DGKG: variants seen among roughly 807,000 people sequenced by gnomAD.
DGKG encodes the protein diacylglycerol kinase gamma.
In DGKG, 78 loss-of-function variants were observed where a neutral mutation model predicts 105.3. The observed-to-expected ratio is 0.74, with a 90% CI of 0.62 to 0.89. DGKG has a LOEUF of 0.89. Ranked by LOEUF, DGKG falls within the 40% of genes least tolerant of loss-of-function variation. The probability of loss-of-function intolerance (pLI) is 0.00; values close to 1 mark genes in which losing one functional copy is unlikely to be tolerated. For synonymous variants in DGKG, 346 were observed against 367.1 expected, an observed-to-expected ratio of 0.94 and a Z score of 0.66; for missense variants, 958 against 1,020.1, an observed-to-expected ratio of 0.94 and a Z score of 0.83.
intron 9 of DGKG, among the ~76,000 whole-genome samples, chr3:186,278,402 T>C (rs1722681372): frequency 6.6e-6 from 1 of 152,146 alleles, no homozygotes; most frequent in African/African-American, 2.4e-5. Flanking sequence ...ACATAAAGCT[T>C]CTTGGCAAGG....
Position 186,287,339 on chromosome 3 carries a change from C to T in DGKG, c.544+1371G>A, listed in dbSNP as rs373775001. Among the ~76,000 whole-genome samples the T allele has an allele frequency of 1.4e-4, 21 of 152,216 alleles. No homozygotes were observed. The East Asian group carries it at 3.7e-3, about 27-fold the overall frequency. On this transcript the variant is annotated intron_variant, in intron 6 of 24. Transcript: ENST00000265022. ...TGAAATATTTACAGATTATATGATGCCTGGAATTTGCTTCAAGATACTCTG... is the reference window on the plus strand; with the variant it reads ...TGAAATATTTACAGATTATATGATGTCTGGAATTTGCTTCAAGATACTCTG...
rs1259045766 is a variant in DGKG at position 186,280,679 on chromosome 3, C to T, written c.660G>A (p.Glu220=). The T allele has an allele frequency of 6.2e-7, 1 of 1,613,580 alleles. No homozygotes were observed. Among genetic ancestry groups the T allele is most frequent in the South Asian group, 1.1e-5 (1 of 91,064 alleles). Residue 220 remains glutamate, a synonymous_variant, in exon 8 of 25, where the codon GAG becomes GAA. Transcript: ENST00000265022. ...IAQYLEWDPT[E]LRPILKEMLQ... ...CCTTATAGAAACTCACAGGCCTCAGCTCTGTGGGATCCCACTCCAGGTACT... is the reference window on the plus strand; with the variant it reads ...CCTTATAGAAACTCACAGGCCTCAGTTCTGTGGGATCCCACTCCAGGTACT...
chr3:186,235,899 C>G (rs1185658018), intron 20 of DGKG, among the ~76,000 whole-genome samples: 1 of 152,194 alleles, frequency 6.6e-6, no homozygotes, highest in Admixed American at 6.5e-5. Context: ...TGCTAGTAAG[C>G]CAGAAGCACC....
chr3:186,183,695 C>T (rs928089598), intron 22 of DGKG, among the ~76,000 whole-genome samples: 18 of 146,520 alleles, frequency 1.2e-4, no homozygotes, highest in South Asian at 8.4e-4. Flanking sequence ...CTTTTTTTTT[C>T]TTTCTTTCTT....
At chr3:186,204,869 T>C (rs1407242644) in intron 21 of DGKG, among the ~76,000 whole-genome samples, 1 of 152,208 alleles carries the variant, frequency 6.6e-6, no homozygotes, top group African/African-American at 2.4e-5. Flanking sequence ...GGCTTACCAC[T>C]GATGTTCCCA....
At chr3:186,217,347 A>C (rs1719345217) in intron 20 of DGKG, among the ~76,000 whole-genome samples, 1 of 152,018 alleles carries the variant, frequency 6.6e-6, no homozygotes, top group East Asian at 1.9e-4. Context: ...GCTGATTTCC[A>C]GTTCCATGAA....
At chr3:186,339,073 T>C (rs1038429518) in intron 1 of DGKG, among the ~76,000 whole-genome samples, 5 of 152,242 alleles carry the variant, frequency 3.3e-5, no homozygotes, top group Non-Finnish European at 5.9e-5. Flanking sequence ...AGAGGACTTA[T>C]TCTACCTTGA....
chr3:186,159,356 G>C (rs1023708138), intron 24 of DGKG: 4 of 113,756 alleles, frequency 3.5e-5, no homozygotes, highest in African/African-American at 5.5e-5. Context: ...TCAAAGTGAA[G>C]AGAGACAATG....
intron 21 of DGKG, among the ~76,000 whole-genome samples, chr3:186,208,016 G>A (rs1208945066): frequency 1.3e-5 from 2 of 152,012 alleles, no homozygotes; most frequent in East Asian, 1.9e-4. Flanking sequence ...CCTGTATATC[G>A]CCTGAATGGC....
chr3:186,166,769 G>C (rs916607614), intron 22 of DGKG, among the ~76,000 whole-genome samples: 5 of 151,936 alleles, frequency 3.3e-5, no homozygotes, highest in South Asian at 4.1e-4. Flanking sequence ...ATAGGAGAGA[G>C]GGGGAGAAAA....
Position 186,215,858 on chromosome 3 carries a change from T to C in DGKG, c.1827-3973A>G, listed in dbSNP as rs111714295. Among the ~76,000 whole-genome samples, 536 of 152,142 alleles carry C rather than the reference T, an allele frequency of 3.5e-3. 2 individuals carry two copies. Among genetic ancestry groups the C allele is most frequent in the African/African-American group, 0.012 (494 of 41,504 alleles). ...TCTTTGTAACTGAAAGACAGCACTT[T>C]TGTTTTTGGTTAATCTTTTCATTCA... On this transcript the variant is annotated intron_variant, in intron 20 of 24. Coordinates refer to ENST00000265022, the MANE Select transcript of DGKG (RefSeq NM_001346.3).
intron 17 of DGKG, among the ~76,000 whole-genome samples, chr3:186,254,272 C>T (rs553734348): frequency 4.8e-4 from 73 of 152,166 alleles, no homozygotes; most frequent in African/African-American, 1.6e-3. Flanking sequence ...TAGGGTTGTC[C>T]TGGCAAACTG....
intron 21 of DGKG, among the ~76,000 whole-genome samples, chr3:186,211,429 A>C (rs1386263464): frequency 2.0e-5 from 3 of 152,186 alleles, no homozygotes; most frequent in African/African-American, 4.8e-5. Context: ...CCAGACTTTT[A>C]CCAGGCTTGG....
intron 20 of DGKG, among the ~76,000 whole-genome samples, chr3:186,240,966 A>G (rs990176704): frequency 3.3e-5 from 5 of 152,184 alleles, no homozygotes; most frequent in African/African-American, 1.2e-4. Flanking sequence ...TGACTATAGT[A>G]TCAGGGGCTG....
intron 20 of DGKG, among the ~76,000 whole-genome samples, chr3:186,228,546 CA>C (rs1026323699): frequency 6.6e-6 from 1 of 152,118 alleles, no homozygotes; most frequent in African/African-American, 2.4e-5. Flanking sequence ...AACTCTGGTG[CA>C]GACCAGCGAG....
At chr3:186,177,686 C>G (rs1717150969) in intron 22 of DGKG, among the ~76,000 whole-genome samples, 1 of 152,188 alleles carries the variant, frequency 6.6e-6, no homozygotes, top group African/African-American at 2.4e-5. Flanking sequence ...TACTTGAAGA[C>G]AGGTTTGAGT....
Position 186,268,846 on chromosome 3 carries a change from G to A in DGKG, c.1071C>T (p.Cys357=), listed in dbSNP as rs1722181706. 6.2e-7 allele frequency: 1 copy of A among 1,613,930 alleles called. No homozygotes were observed. The highest frequency in any genetic ancestry group is 1.1e-5 in the South Asian group (1 of 91,086). Reference sequence around the variant, plus strand: ...AGTGCCGCGCGGTGACACTCTGGTAGCACTTGATACTTTTGTGGCACCGGT... The same window carrying A: ...AGTGCCGCGCGGTGACACTCTGGTAACACTTGATACTTTTGTGGCACCGGT... The part of the protein sequence containing the change: ...KCDRCHKSIK[C]YQSVTARHCV... Residue 357 remains cysteine (C), a synonymous_variant, in exon 12 of 25, where the codon TGC becomes TGT. Transcript: ENST00000265022.
chr3:186,168,223 CTT>C (rs1461519589), intron 22 of DGKG, among the ~76,000 whole-genome samples: 1 of 152,164 alleles, frequency 6.6e-6, no homozygotes, highest in Non-Finnish European at 1.5e-5. Context: ...TCCAGAGACT[CTT>C]TTTGGCCAGA....
rs755469856 is a variant in DGKG at position 186,361,105 on chromosome 3, C to T, written c.-249+841G>A. On this transcript the variant is annotated intron_variant, in intron 1 of 24. Coordinates refer to ENST00000265022, the MANE Select transcript of DGKG (RefSeq NM_001346.3). The surrounding 1 kb of genome is among the most constrained non-coding windows in gnomAD (Gnocchi z 6.8). Reference sequence around the variant, plus strand: ...CGCCACCCTGAGTTCCGCAGCTCATCCCTCCCATCTGGGAGGTGGTTCTAG... The same window carrying T: ...CGCCACCCTGAGTTCCGCAGCTCATTCCTCCCATCTGGGAGGTGGTTCTAG... Among the ~76,000 whole-genome samples the T allele has an allele frequency of 6.6e-6, 1 of 152,212 alleles. No individual in the cohort carries two copies. Among genetic ancestry groups the T allele is most frequent in the South Asian group, 2.1e-4 (1 of 4,836 alleles).
Sources: allele counts gnomAD v4.1 joint callset (sites outside exome capture counted in the v4.1 genomes callset), GRCh38; gene constraint gnomAD v4.1.1; non-coding constraint Gnocchi (gnomAD v3.1); transcripts MANE v1.5; gene names NCBI Gene and HGNC (gene_info 2026-07-23, HGNC 2026-07-21).